ZBTB7C: variants seen among roughly 807,000 people sequenced by gnomAD.
The protein encoded by ZBTB7C is zinc finger and BTB domain-containing protein 7C.
ZBTB7C carries 8 observed loss-of-function variants against 25.7 expected under a neutral mutation model. The ratio of observed to expected loss-of-function variants is 0.31; its 90% CI spans 0.18 to 0.56. The LOEUF (loss-of-function observed/expected upper bound fraction) is 0.56. ZBTB7C is among the 20% of genes least tolerant of loss of function. The probability of loss-of-function intolerance (pLI) is 0.91; values close to 1 mark genes in which losing one functional copy is unlikely to be tolerated. For synonymous variants in ZBTB7C, 394 were observed against 369.0 expected, an observed-to-expected ratio of 1.07 and a Z score of -0.78; for missense variants, 824 against 855.2, an observed-to-expected ratio of 0.96 and a Z score of 0.46.
chr18:48,247,753 C>T (rs985809177), intron 2 of ZBTB7C, among the ~76,000 whole-genome samples: 7 of 152,294 alleles, frequency 4.6e-5, no homozygotes, highest in Admixed American at 2.0e-4. Flanking sequence ...GTAGTTTCCC[C>T]CATGTTGTTC....
intron 1 of ZBTB7C, among the ~76,000 whole-genome samples, chr18:48,379,209 A>C (rs945356573): frequency 6.6e-6 from 1 of 152,080 alleles, no homozygotes; most frequent in African/African-American, 2.4e-5. Context: ...ATTCTGTTCT[A>C]TTGACCTATT....
chr18:48,397,369 C>T (rs2048053422), intron 1 of ZBTB7C, among the ~76,000 whole-genome samples: 1 of 152,166 alleles, frequency 6.6e-6, no homozygotes. Flanking sequence ...GCTACCATTC[C>T]TTTGTACAGG....
At chr18:48,329,614 C>T (rs1275842702) in intron 2 of ZBTB7C, among the ~76,000 whole-genome samples, 3 of 152,172 alleles carry the variant, frequency 2.0e-5, no homozygotes, top group Non-Finnish European at 4.4e-5. Context: ...CTTCTGGGTG[C>T]AGTTTATGTA....
At chr18:48,316,002 G>A (rs899731675) in intron 2 of ZBTB7C, among the ~76,000 whole-genome samples, 2 of 152,044 alleles carry the variant, frequency 1.3e-5, no homozygotes, top group African/African-American at 4.8e-5. Flanking sequence ...GAGAGCCACA[G>A]CATCAACTCT....
At chr18:48,178,043 CTTGCCCCTTTA>C (rs1331886241) in intron 3 of ZBTB7C, among the ~76,000 whole-genome samples, 1 of 152,070 alleles carries the variant, frequency 6.6e-6, no homozygotes, top group Non-Finnish European at 1.5e-5. Flanking sequence ...CCTCCCTCTC[CTTGCCCCTTTA>C]GTGCCCCTGG....
intron 2 of ZBTB7C, among the ~76,000 whole-genome samples, chr18:48,264,963 C>G (rs1355512070): frequency 1.3e-5 from 2 of 152,186 alleles, no homozygotes; most frequent in African/African-American, 4.8e-5. Flanking sequence ...TTGGGAAGGT[C>G]ACGGTGAAGT....
At chr18:48,246,144 C>A (rs560135161) in intron 2 of ZBTB7C, among the ~76,000 whole-genome samples, 6 of 152,074 alleles carry the variant, frequency 3.9e-5, no homozygotes, top group African/African-American at 1.2e-4. Context: ...TCTTCCATAG[C>A]AGGAAGTCAG....
intron 3 of ZBTB7C, among the ~76,000 whole-genome samples, chr18:48,102,485 A>T (rs1365326805): frequency 6.6e-6 from 1 of 150,486 alleles, no homozygotes; most frequent in Non-Finnish European, 1.5e-5. Context: ...AGATCACTTG[A>T]GCCCACAAGT....
chr18:48,181,528 C>G (rs1280286050), intron 3 of ZBTB7C, among the ~76,000 whole-genome samples: 1 of 152,148 alleles, frequency 6.6e-6, no homozygotes, highest in Non-Finnish European at 1.5e-5. Flanking sequence ...GCAACTGAGG[C>G]CCCAAGAGCC....
At chr18:48,121,006 T>C (rs948003342) in intron 3 of ZBTB7C, among the ~76,000 whole-genome samples, 1 of 152,144 alleles carries the variant, frequency 6.6e-6, no homozygotes, top group African/African-American at 2.4e-5. Flanking sequence ...CTGCCAGGAC[T>C]CCAGGGCAGG....
At position 48,277,102 on chromosome 18, in the gene ZBTB7C, C is replaced by T. The variant is rs1281055814; in HGVS notation, c.-79+61072G>A. On this transcript the variant is annotated intron_variant, in intron 2 of 4. Coordinates refer to ENST00000590800, the MANE Select transcript of ZBTB7C (RefSeq NM_001318841.2). ...TAGGCATGGGCAAGGACTTCATGTCCAAAACACCAAAAGCAATGGCAACAA... is the reference window on the plus strand; with the variant it reads ...TAGGCATGGGCAAGGACTTCATGTCTAAAACACCAAAAGCAATGGCAACAA... Among the ~76,000 whole-genome samples, 33 of 147,304 alleles carry T rather than the reference C, an allele frequency of 2.2e-4. 1 individual carries two copies. Among genetic ancestry groups the T allele is most frequent in the South Asian group, 1.1e-3 (5 of 4,508 alleles).
At chr18:48,055,708 A>G (rs573242508) in intron 3 of ZBTB7C, among the ~76,000 whole-genome samples, 24 of 152,246 alleles carry the variant, frequency 1.6e-4, no homozygotes, top group Admixed American at 9.2e-4. Context: ...TTCCCGACCT[A>G]AAGGAAGAAT....
chr18:48,054,324 G>A (rs2036824511), intron 3 of ZBTB7C, among the ~76,000 whole-genome samples: 2 of 152,190 alleles, frequency 1.3e-5, no homozygotes, highest in Admixed American at 1.3e-4. Flanking sequence ...GACCCAGGAA[G>A]CCGCTCTGCA....
chr18:48,263,989 TA>T (rs34917827), intron 2 of ZBTB7C, among the ~76,000 whole-genome samples: 8,590 of 152,178 alleles, frequency 0.056, 868 homozygotes, highest in East Asian at 0.45. Context: ...AATATTTGGG[TA>T]AAATATTTAG....
intron 2 of ZBTB7C, among the ~76,000 whole-genome samples, chr18:48,201,519 T>A (rs1944573): frequency 0.36 from 54,127 of 151,764 alleles, 9,821 homozygotes; most frequent in East Asian, 0.44. Context: ...CAGTGACTCA[T>A]GGCATTCGAT....
intron 2 of ZBTB7C, among the ~76,000 whole-genome samples, chr18:48,228,726 C>T (rs1425611415): frequency 1.0e-5 from 1 of 99,692 alleles, no homozygotes; most frequent in Non-Finnish European, 2.3e-5. Context: ...GAGTCTCTCT[C>T]TCTCTGTCTC....
At chr18:48,355,060 G>C (rs2046946022) in intron 1 of ZBTB7C, among the ~76,000 whole-genome samples, 1 of 152,168 alleles carries the variant, frequency 6.6e-6, no homozygotes. Context: ...CTTCATCAAA[G>C]CCTACTGGGC....
rs149928324 is a variant in ZBTB7C at position 48,213,748 on chromosome 18, T to C, written c.-78-27753A>G. On this transcript the variant is annotated intron_variant, in intron 2 of 4. Transcript: ENST00000590800. The stretch of plus-strand genomic sequence containing the variant: ...TTCTGACCCCAATGCAGAGGCTCCA[T>C]TGGGCTAAAGGACATGCTGGAAAAT... 7.6e-3 allele frequency among the ~76,000 whole-genome samples: 1,155 copies of C among 152,272 alleles called. 21 individuals are homozygous for C. Among genetic ancestry groups the C allele is most frequent in the African/African-American group, 0.026 (1,070 of 41,566 alleles).
intron 2 of ZBTB7C, among the ~76,000 whole-genome samples, chr18:48,191,132 C>G (rs1568291201): frequency 6.6e-6 from 1 of 152,190 alleles, no homozygotes; most frequent in Non-Finnish European, 1.5e-5. Context: ...ACACACCCAC[C>G]TTGCAGAGGT....
Sources: allele counts gnomAD v4.1 joint callset (sites outside exome capture counted in the v4.1 genomes callset), GRCh38; gene constraint gnomAD v4.1.1; transcripts MANE v1.5; gene names NCBI Gene and HGNC (gene_info 2026-07-23, HGNC 2026-07-21).